Variants in PADI1 observed in about 807,000 individuals in gnomAD.
The protein encoded by PADI1 is protein-arginine deiminase type-1.
Under a neutral mutation model 74.8 loss-of-function variants are expected in PADI1, and 65 were observed. That is an observed-to-expected ratio of 0.87 (90% CI 0.71 to 1.07). The LOEUF (loss-of-function observed/expected upper bound fraction) is 1.07. Ranked by LOEUF, PADI1 falls within the 50% of genes least tolerant of loss-of-function variation. The pLI, the probability that PADI1 is intolerant of heterozygous loss-of-function variation, is 0.00. For missense variants in PADI1, 943 were observed against 854.0 expected (o/e 1.10, Z -1.30); for synonymous variants, 371 against 336.2 (o/e 1.10, Z -1.13).
intron 11 of PADI1, among the ~76,000 whole-genome samples, chr1:17,233,497 C>A (rs2072553221): frequency 6.6e-6 from 1 of 152,232 alleles, no homozygotes; most frequent in African/African-American, 2.4e-5. Context: ...GGATCTCACC[C>A]TGGACAGATG....
At chr1:17,216,691 C>T (rs548807451) in intron 1 of PADI1, among the ~76,000 whole-genome samples, 3 of 152,004 alleles carry the variant, frequency 2.0e-5, no homozygotes, top group South Asian at 2.1e-4. Context: ...GCCAACATGG[C>T]GAAACCCCAT....
intron 4 of PADI1, among the ~76,000 whole-genome samples, chr1:17,225,391 G>C (rs1452603505): frequency 6.6e-6 from 1 of 152,186 alleles, no homozygotes; most frequent in African/African-American, 2.4e-5. Flanking sequence ...ATATCTATGG[G>C]ACAGGTTCCA....
At chr1:17,240,278 C>A (rs938890942) in intron 14 of PADI1, 7 of 246,534 alleles carry the variant, frequency 2.8e-5, no homozygotes, top group Non-Finnish European at 4.8e-5. Context: ...CAGGAGGGCC[C>A]TTACCCCTTC....
chr1:17,216,456 T>C (rs762078873), intron 1 of PADI1, among the ~76,000 whole-genome samples: 1 of 151,832 alleles, frequency 6.6e-6, no homozygotes, highest in African/African-American at 2.4e-5. Context: ...TGAGGCTGAA[T>C]TGGAAGGTGG....
chr1:17,242,086 C>T (rs955814574), intron 15 of PADI1, among the ~76,000 whole-genome samples: 1 of 152,190 alleles, frequency 6.6e-6, no homozygotes. Flanking sequence ...CAGGATTTCT[C>T]GACTCTGTAG....
Position 17,235,937 on chromosome 1 carries a change from G to A in PADI1, c.1314-1377G>A, listed in dbSNP as rs557555972. 7.2e-5 allele frequency among the ~76,000 whole-genome samples: 11 copies of A among 152,320 alleles called. No individual in the cohort carries two copies. In the East Asian group the frequency reaches 1.7e-3, roughly 24 times the overall value. On this transcript the variant is annotated intron_variant, in intron 11 of 15. Coordinates refer to ENST00000375471, the MANE Select transcript of PADI1 (RefSeq NM_013358.3). ...AAAGTGAGGGGTCTCCTGTGTGGAC[G>A]TGTCCCCATTCCATTGGCTGTTGGA...
At chr1:17,210,831 G>A (rs1476743572) in intron 1 of PADI1, among the ~76,000 whole-genome samples, 6 of 152,172 alleles carry the variant, frequency 3.9e-5, no homozygotes, top group African/African-American at 1.4e-4. Flanking sequence ...GGGACTGGGG[G>A]TTGGAGCTGC....
chr1:17,210,564 C>T (rs565798249), intron 1 of PADI1, among the ~76,000 whole-genome samples: 5 of 152,198 alleles, frequency 3.3e-5, no homozygotes, highest in African/African-American at 7.2e-5. Flanking sequence ...GTTCAGCCTG[C>T]GCCCTCAGCC....
At chr1:17,239,031 CTTGGA>C (rs1268048355) in intron 13 of PADI1, among the ~76,000 whole-genome samples, 1 of 152,216 alleles carries the variant, frequency 6.6e-6, no homozygotes, top group African/African-American at 2.4e-5. Flanking sequence ...GGTGAATTGG[CTTGGA>C]CAGGGCTATG....
At chr1:17,217,501 G>A (rs533694973) in intron 1 of PADI1, among the ~76,000 whole-genome samples, 1 of 152,268 alleles carries the variant, frequency 6.6e-6, no homozygotes, top group Non-Finnish European at 1.5e-5. Flanking sequence ...AAGGAGATCT[G>A]ATTGTTTAAT....
intron 14 of PADI1, chr1:17,240,337 C>T: frequency 3.3e-6 from 1 of 300,548 alleles, no homozygotes; most frequent in Non-Finnish European, 6.3e-6. Context: ...GGGACAGGAG[C>T]ATCAGCCATG....
chr1:17,237,228 C>T (rs1367804342), intron 11 of PADI1, 86 bp from the exon 12 acceptor site: 2 of 1,449,086 alleles, frequency 1.4e-6, no homozygotes. Context: ...AATTCCGCCC[C>T]CTGGTGGCAG....
intron 1 of PADI1, 122 bp downstream of exon 1, chr1:17,205,431 A>G: frequency 1.3e-6 from 1 of 772,392 alleles, no homozygotes; most frequent in Non-Finnish European, 2.2e-6. Context: ...GATAGCAGAG[A>G]AGGTGGAGTT....
At chr1:17,232,360 C>G (rs1231200705) in intron 10 of PADI1, among the ~76,000 whole-genome samples, 1 of 152,186 alleles carries the variant, frequency 6.6e-6, no homozygotes. Context: ...CCCACTTCAC[C>G]CCCTGAGGAG....
At chr1:17,222,894 C>G (rs1369412714) in intron 2 of PADI1, among the ~76,000 whole-genome samples, 4 of 152,208 alleles carry the variant, frequency 2.6e-5, no homozygotes, top group Admixed American at 2.6e-4. Context: ...CCTAAGCCAA[C>G]CTTCTCTCTC....
At chr1:17,237,772 G>T (rs1019560206) in intron 12 of PADI1, among the ~76,000 whole-genome samples, 10 of 152,178 alleles carry the variant, frequency 6.6e-5, no homozygotes, top group Admixed American at 6.5e-4. Context: ...CGTCAAGTGG[G>T]TGCAATTATT....
rs1042022782 is a variant in PADI1 at position 17,229,020 on chromosome 1, A to G, written c.898A>G (p.Thr300Ala). Residue 300 changes from threonine to alanine, a missense_variant, in exon 8 of 16, where the codon ACT becomes GCT. Coordinates refer to ENST00000375471, the MANE Select transcript of PADI1 (RefSeq NM_013358.3). ...GGCCCCCTGGATCATGACGCCCAAC[A>G]CTCAGCCTCCTGAGGAGCTGTATGT... ...RMAPWIMTPN[T>A]QPPEELYVCR... 6 of 1,582,166 alleles carry G rather than the reference A, an allele frequency of 3.8e-6. No homozygotes were observed. The African/African-American group carries it at 5.4e-5, about 14-fold the overall frequency.
At chr1:17,232,699 G>A (rs1474028461) in intron 10 of PADI1, 120 bp from the exon 11 acceptor site, 8 of 766,274 alleles carry the variant, frequency 1.0e-5, no homozygotes, top group Admixed American at 7.1e-5. Context: ...TCGTTTTTCA[G>A]GTACTAAGAG....
At chr1:17,240,826 C>G in intron 15 of PADI1, 66 bp downstream of exon 15, 2 of 1,566,034 alleles carry the variant, frequency 1.3e-6, no homozygotes, top group Non-Finnish European at 1.7e-6. Context: ...CACTCCCTGG[C>G]CCAGGGCAGG....
Sources: gnomAD v4.1 joint callset for allele counts (sites outside exome capture counted in the v4.1 genomes callset) on GRCh38, gnomAD v4.1.1 for gene constraint, MANE v1.5 for transcripts, NCBI Gene and HGNC (gene_info 2026-07-23, HGNC 2026-07-21) for gene names.